Variants in DBNDD2 observed in about 807,000 individuals in gnomAD.
DBNDD2 encodes dysbindin domain containing 2.
In DBNDD2, 8 loss-of-function variants were observed where a neutral mutation model predicts 14.0. The ratio of observed to expected loss-of-function variants is 0.57; its 90% CI spans 0.33 to 1.03. DBNDD2 has a LOEUF of 1.03. Among genes scored for constraint, DBNDD2 ranks in the 50% least tolerant of loss-of-function variants. The probability of loss-of-function intolerance (pLI) is 0.03; values close to 1 mark genes in which losing one functional copy is unlikely to be tolerated. For missense variants in DBNDD2, 194 were observed against 206.0 expected, an observed-to-expected ratio of 0.94 and a Z score of 0.36; for synonymous variants, 94 against 85.3, an observed-to-expected ratio of 1.10 and a Z score of -0.56.
chr20:45,406,669 C>T, upstream of DBNDD2: 2 of 1,341,686 alleles, frequency 1.5e-6, no homozygotes, highest in South Asian at 2.0e-5. Context: ...GGCTCGCTCC[C>T]ACGCCCCCGC....
At chr20:45,406,091 A>C, upstream of DBNDD2, 3 of 206,984 alleles carry the variant, frequency 1.4e-5, no homozygotes, top group Non-Finnish European at 2.9e-5. Flanking sequence ...GTCCCAGGGC[A>C]GGGGTCCTCC....
upstream of DBNDD2, chr20:45,408,262 C>T: frequency 6.4e-7 from 1 of 1,552,730 alleles, no homozygotes; most frequent in Non-Finnish European, 8.7e-7. Context: ...CAAGCCCCGC[C>T]TCTGCATGAG....
intron 1 of DBNDD2, 33 bp downstream of exon 1, chr20:45,408,639 G>T: frequency 1.2e-6 from 2 of 1,603,586 alleles, no homozygotes; most frequent in Non-Finnish European, 1.7e-6. Flanking sequence ...AGGGACTGGG[G>T]TAGGGTAGGG....
At chr20:45,407,991 G>C, upstream of DBNDD2, 2 of 1,415,596 alleles carry the variant, frequency 1.4e-6, no homozygotes, top group Non-Finnish European at 1.8e-6. Flanking sequence ...TTGAAGGATG[G>C]GAAGGGGTGG....
chr20:45,410,248 C>A lies in DBNDD2; in HGVS notation c.*108C>A. On this transcript the variant is annotated 3_prime_UTR_variant, in exon 3 of 3. Coordinates refer to ENST00000372710, the MANE Select transcript of DBNDD2 (RefSeq NM_001048225.4). ...GACCAGACTCTTTACTTGCAGTAGG[C>A]ACCAGAGGTGGGAAGGATGGTGGGA... 8.4e-7 allele frequency: 1 copy of A among 1,189,416 alleles called. No homozygotes were observed. The highest frequency in any genetic ancestry group is 1.4e-5 in the South Asian group (1 of 70,110). 73.7% of individuals were successfully genotyped at this position (1,189,416 alleles called of 1,614,324 possible).
At chr20:45,407,747 A>T (rs1042690459), upstream of DBNDD2, 9 of 1,007,936 alleles carry the variant, frequency 8.9e-6, no homozygotes, top group Non-Finnish European at 1.1e-5. Context: ...TAAATAGCTC[A>T]CCTTCACAAG....
chr20:45,407,950 G>T (rs1377003281), upstream of DBNDD2: 2 of 1,383,246 alleles, frequency 1.4e-6, no homozygotes, highest in Non-Finnish European at 1.9e-6. Flanking sequence ...GGAGGGGCGC[G>T]GGAGGAGTTG....
chr20:45,410,151 C>T lies in DBNDD2; in HGVS notation c.*11C>T, dbSNP rs1989770164. 6.4e-7 allele frequency: 1 copy of T among 1,551,592 alleles called. No individual in the cohort carries two copies. Among genetic ancestry groups the T allele is most frequent in the African/African-American group, 1.4e-5 (1 of 73,186 alleles). ...GGAGCCTGCAGCTAGCAGTGGGCCC[C>T]TGCCTACAGACTGACCACGCTGGCT... On this transcript the variant is annotated 3_prime_UTR_variant, in exon 3 of 3. Transcript: ENST00000372710.
At chr20:45,406,862 G>A, upstream of DBNDD2, 1 of 1,176,966 alleles carries the variant, frequency 8.5e-7, no homozygotes, top group Non-Finnish European at 1.1e-6. Flanking sequence ...CCTTTTTAGG[G>A]AATTTTTTCC....
At chr20:45,407,558 C>A (rs1479958264), upstream of DBNDD2, 3 of 986,320 alleles carry the variant, frequency 3.0e-6, no homozygotes, top group East Asian at 2.3e-4. Flanking sequence ...AGCCTCAGTG[C>A]TCTGGCAGGG....
In DBNDD2 at chr20:45,408,805, C is replaced by G; in HGVS notation, c.144C>G (p.Pro48=). 6.2e-7 allele frequency: 1 copy of G among 1,614,144 alleles called. No individual in the cohort carries two copies. Among genetic ancestry groups the G allele is most frequent in the Non-Finnish European group, 8.5e-7 (1 of 1,179,972 alleles). The change falls in exon 2 of 3, where the codon CCC becomes CCG. Residue 48 remains proline (P), a synonymous_variant. Coordinates refer to ENST00000372710, the MANE Select transcript of DBNDD2 (RefSeq NM_001048225.4). Reference sequence around the variant, plus strand: ...TGCCCACTTCTTGATCCGCAGCCCCCATAGGTAGTATCTCATCCATGGAAG... The same window carrying G: ...TGCCCACTTCTTGATCCGCAGCCCCGATAGGTAGTATCTCATCCATGGAAG... The part of the protein sequence containing the change: ...SHLHLESQRP[P]IGSISSMEVN...
Position 45,410,317 on chromosome 20 carries a change from A to C in DBNDD2, c.*177A>C, listed in dbSNP as rs114265514. On this transcript the variant is annotated 3_prime_UTR_variant, in exon 3 of 3. Transcript: ENST00000372710. ...ATTAACCCTCTCCTGCTTTACTGCT[A>C]ATTTTTTCCTGCTGCAACCCTCCCA... 1.8e-3 allele frequency: 1,316 copies of C among 743,080 alleles called. 11 individuals are homozygous for C. The African/African-American group carries it at 0.019, about 11-fold the overall frequency. 46.0% of individuals were successfully genotyped at this position (743,080 alleles called of 1,614,324 possible).
upstream of DBNDD2, chr20:45,406,781 G>A: frequency 8.0e-7 from 1 of 1,257,374 alleles, no homozygotes; most frequent in Non-Finnish European, 1.0e-6. Context: ...GGACCGCGGA[G>A]GGGACCGGAG....
chr20:45,408,394 GCC>G lies in DBNDD2; in HGVS notation c.-72_-71del. On this transcript the variant is annotated 5_prime_UTR_variant, in exon 1 of 3. The change abolishes the stop of an existing upstream ORF in the 5' untranslated region. Transcript: ENST00000372710. ...TGCTGGCTGCAGTGGGGCGCCCCAAGCCCAGGTCCCCTCTGTCTTCTCTTTCG... is the reference window on the plus strand; with the variant it reads ...TGCTGGCTGCAGTGGGGCGCCCCAAGCAGGTCCCCTCTGTCTTCTCTTTCG... 1 of 1,613,814 alleles carries G rather than the reference GCC, an allele frequency of 6.2e-7. No homozygotes were observed. Among genetic ancestry groups the G allele is most frequent in the Non-Finnish European group, 8.5e-7 (1 of 1,180,010 alleles).
At chr20:45,408,120 G>T, upstream of DBNDD2, 2 of 1,511,170 alleles carry the variant, frequency 1.3e-6, no homozygotes, top group Non-Finnish European at 1.8e-6. Context: ...TCCTCCATTT[G>T]TGCTGAACCA....
At chr20:45,408,667 C>G in intron 1 of DBNDD2, 61 bp downstream of exon 1, 4 of 1,590,900 alleles carry the variant, frequency 2.5e-6, no homozygotes, top group Non-Finnish European at 3.4e-6. Context: ...CCTGTGGGTC[C>G]TGAATCTTGT....
upstream of DBNDD2, chr20:45,406,210 T>G: frequency 6.9e-5 from 32 of 466,686 alleles, no homozygotes; most frequent in Middle Eastern, 5.7e-4. Flanking sequence ...AGTGCGCGCG[T>G]GTAAGTGTGG....
At chr20:45,406,375 G>C, upstream of DBNDD2, 7 of 1,365,054 alleles carry the variant, frequency 5.1e-6, no homozygotes, top group South Asian at 9.9e-5. Context: ...AAGTGCATCC[G>C]AGCGAGCGGA....
At chr20:45,407,127 C>T (rs987425895), upstream of DBNDD2, 6 of 191,566 alleles carry the variant, frequency 3.1e-5, no homozygotes, top group Non-Finnish European at 5.8e-5. Context: ...AGCCCCTGGC[C>T]CCCGTCAGCT....
Sources: allele counts gnomAD v4.1 joint callset, GRCh38; gene constraint gnomAD v4.1.1; transcripts MANE v1.5; gene names NCBI Gene and HGNC (gene_info 2026-07-23, HGNC 2026-07-21).